NOTCH2: variants seen among roughly 807,000 people sequenced by gnomAD.
NOTCH2 encodes notch receptor 2.
In NOTCH2, 29 loss-of-function variants were observed where a neutral mutation model predicts 235.8. The observed-to-expected ratio is 0.12, with a 90% confidence interval of 0.09 to 0.17. The LOEUF (loss-of-function observed/expected upper bound fraction) is 0.17, where lower values mean the gene tolerates loss of function less well. NOTCH2 is among the 10% of genes least tolerant of loss of function. The pLI is 1.00. For synonymous variants in NOTCH2, 1,086 were observed against 1,141.5 expected (o/e 0.95, Z 0.98); for missense variants, 2,285 against 3,150.2 (o/e 0.73, Z 6.57).
intron 17 of NOTCH2, among the ~76,000 whole-genome samples, chr1:119,946,616 T>C (rs587651354): frequency 6.6e-6 from 1 of 152,108 alleles, no homozygotes; most frequent in African/African-American, 2.4e-5. Context: ...AAATCAACAT[T>C]CATTCATTAT....
chr1:120,063,846 A>T (rs1327945343), intron 1 of NOTCH2, among the ~76,000 whole-genome samples: 17 of 152,328 alleles, frequency 1.1e-4, no homozygotes, highest in South Asian at 1.0e-3. Flanking sequence ...CACCTGAGCT[A>T]TTCTTATCAT....
In NOTCH2 at chr1:119,941,767, A is replaced by C; in HGVS notation, c.2753-13T>G. ...TTCTGGCAAGGATCTAAGCCATTAC[A>C]AAAGAATTAGACCTCTGAAGAGTAG... is the stretch of plus-strand genomic sequence containing the variant. On this transcript the variant is annotated splice_polypyrimidine_tract_variant and intron_variant, in intron 17 of 33. Coordinates refer to ENST00000256646, the MANE Select transcript of NOTCH2 (RefSeq NM_024408.4). The C allele has an allele frequency of 6.3e-7, 1 of 1,585,040 alleles. No homozygotes were observed. The highest frequency in any genetic ancestry group is 2.2e-5 in the East Asian group (1 of 44,760).
intron 12 of NOTCH2, among the ~76,000 whole-genome samples, chr1:119,957,537 T>C (rs1553198483): frequency 6.6e-6 from 1 of 152,078 alleles, no homozygotes; most frequent in Non-Finnish European, 1.5e-5. Flanking sequence ...ATAAAACTCC[T>C]CACATTTACC....
intron 5 of NOTCH2, among the ~76,000 whole-genome samples, chr1:119,983,825 T>C (rs587767024): frequency 1.3e-5 from 2 of 152,304 alleles, no homozygotes; most frequent in East Asian, 1.9e-4. Flanking sequence ...GCCGTAACTA[T>C]CAGGTTCTTC....
At chr1:120,060,314 TGA>T (rs33943342) in intron 1 of NOTCH2, among the ~76,000 whole-genome samples, 1 of 140,040 alleles carries the variant, frequency 7.1e-6, no homozygotes, top group Non-Finnish European at 1.5e-5. Flanking sequence ...ATCACTGTAA[TGA>T]GAGAGGCATA....
At position 119,986,981 on chromosome 1, in the gene NOTCH2, G is replaced by A. The variant is rs142614610; in HGVS notation, c.853C>T (p.Arg285Cys). The A allele has an allele frequency of 2.5e-6, 4 of 1,613,582 alleles. No homozygotes were observed. Among genetic ancestry groups the A allele is most frequent in the Non-Finnish European group, 3.4e-6 (4 of 1,179,624 alleles). The change falls in exon 5 of 34, where the codon CGC (arginine) becomes TGC (cysteine). Residue 285 changes from arginine to cysteine, a missense_variant. By Grantham distance (180) the Arg-to-Cys change is radical. Coordinates refer to ENST00000256646, the MANE Select transcript of NOTCH2 (RefSeq NM_024408.4). ...CVDGVNTYNC[R>C]CPPQWTGQFC... ...ATACCTGTCCATTGTGGGGGACAGC[G>A]GCAGTTGTAAGTGTTGACCCCATCC...
intron 3 of NOTCH2, among the ~76,000 whole-genome samples, chr1:119,999,664 T>C (rs1652630187): frequency 6.6e-6 from 1 of 151,860 alleles, no homozygotes; most frequent in South Asian, 2.1e-4. Flanking sequence ...GGCAGATCAC[T>C]TGTGGTTAGG....
chr1:120,010,636 C>T (rs587675938), intron 2 of NOTCH2, among the ~76,000 whole-genome samples: 1 of 151,822 alleles, frequency 6.6e-6, no homozygotes, highest in Non-Finnish European at 1.5e-5. Flanking sequence ...GAACACTATC[C>T]AGCACATAGT....
chr1:119,960,124 A>T (rs1650877252), intron 11 of NOTCH2, among the ~76,000 whole-genome samples: 1 of 152,242 alleles, frequency 6.6e-6, no homozygotes, highest in African/African-American at 2.4e-5. Flanking sequence ...CAGGCAAACC[A>T]GGGTTAATCA....
chr1:119,943,210 T>C (rs996521920), intron 17 of NOTCH2, among the ~76,000 whole-genome samples: 13 of 152,238 alleles, frequency 8.5e-5, no homozygotes, highest in African/African-American at 2.4e-4. Flanking sequence ...TATGATAATC[T>C]GAAGTTATAT....
intron 5 of NOTCH2, among the ~76,000 whole-genome samples, chr1:119,986,726 G>A (rs1407296940): frequency 2.0e-5 from 3 of 152,142 alleles, no homozygotes; most frequent in African/African-American, 7.2e-5. Flanking sequence ...CTAGCATGGT[G>A]CTGGGTTCAG....
At chr1:119,922,886 C>G in intron 26 of NOTCH2, 108 bp from the exon 27 acceptor site, 1 of 1,378,798 alleles carries the variant, frequency 7.3e-7, no homozygotes, top group Non-Finnish European at 1.0e-6. Context: ...CCCTTCCTCC[C>G]CTTCAGCATC....
chr1:119,916,882 A>T (rs1249553441), intron 33 of NOTCH2, among the ~76,000 whole-genome samples, 188 bp from the exon 34 acceptor site: 1 of 152,176 alleles, frequency 6.6e-6, no homozygotes, highest in Non-Finnish European at 1.5e-5. Context: ...ATTTACACAT[A>T]AAAAAAGTAA....
At chr1:120,016,012 C>CA (rs1331443173) in intron 2 of NOTCH2, among the ~76,000 whole-genome samples, 1,036 of 125,182 alleles carry the variant, frequency 8.3e-3, no homozygotes, top group African/African-American at 0.03. Flanking sequence ...GAAGGAAAAA[C>CA]AAAAAGAACT....
At position 119,933,537 on chromosome 1, in the gene NOTCH2, C is replaced by T. The variant is rs1303101368; in HGVS notation, c.3655+1935G>A. On this transcript the variant is annotated intron_variant, in intron 22 of 33. Transcript: ENST00000256646. ...AATCTTGAAGGCATCAAGAAAGAAGCAATGTATCACATATAAGGGAACCTC... is the reference window on the plus strand; with the variant it reads ...AATCTTGAAGGCATCAAGAAAGAAGTAATGTATCACATATAAGGGAACCTC... 2.6e-5 allele frequency among the ~76,000 whole-genome samples: 4 copies of T among 152,184 alleles called. No homozygotes were observed. The East Asian group carries it at 7.7e-4, about 29-fold the overall frequency.
Position 119,940,697 on chromosome 1 carries a change from G to A in NOTCH2, c.3041C>T (p.Pro1014Leu). ...GCAGAAGGATCCAGTGAAACCCACA[G>A]GGCACAAGCAAGAGAAGGAGTTAAT... Reference protein sequence around the residue: ...DGINSFSCLCPVGFTGSFCLH... With the variant: ...DGINSFSCLCLVGFTGSFCLH... The change falls in exon 19 of 34, where the codon CCT (proline) becomes CTT (leucine). Residue 1014 changes from proline to leucine, a missense_variant. By Grantham distance (98) the Pro-to-Leu change is moderately conservative. Coordinates refer to ENST00000256646, the MANE Select transcript of NOTCH2 (RefSeq NM_024408.4). 3 of 1,614,186 alleles carry A rather than the reference G, an allele frequency of 1.9e-6. No individual in the cohort carries two copies. The highest frequency in any genetic ancestry group is 2.2e-5 in the South Asian group (2 of 91,086).
At chr1:120,068,837 C>G (rs1655616925) in intron 1 of NOTCH2, 3 of 479,830 alleles carry the variant, frequency 6.3e-6, no homozygotes, top group African/African-American at 2.4e-5. Flanking sequence ...AGCCCACACA[C>G]CCGGCCCATG....
intron 29 of NOTCH2, 136 bp downstream of exon 29, chr1:119,921,577 G>T: frequency 1.3e-6 from 1 of 776,646 alleles, no homozygotes; most frequent in Non-Finnish European, 2.3e-6. Context: ...GAGAACCTAG[G>T]ATAGTTATTG....
At chr1:119,922,167 A>T in intron 28 of NOTCH2, 69 bp downstream of exon 28, 1 of 1,499,662 alleles carries the variant, frequency 6.7e-7, no homozygotes, top group South Asian at 1.1e-5. Context: ...ATCATGATTC[A>T]ACAAGATATG....
Sources: gnomAD v4.1 joint callset for allele counts (sites outside exome capture counted in the v4.1 genomes callset) on GRCh38, gnomAD v4.1.1 for gene constraint, MANE v1.5 for transcripts, NCBI Gene and HGNC (gene_info 2026-07-23, HGNC 2026-07-21) for gene names.